PPP6R3: variants seen among roughly 807,000 people sequenced by gnomAD.
PPP6R3 encodes the protein protein phosphatase 6 regulatory subunit 3, also known as serine/threonine-protein phosphatase 6 regulatory subunit 3.
In PPP6R3, 38 loss-of-function variants were observed where a neutral mutation model predicts 110.7. The ratio of observed to expected loss-of-function variants is 0.34; its 90% CI spans 0.26 to 0.45. The LOEUF (loss-of-function observed/expected upper bound fraction) is 0.45, where lower values mean the gene tolerates loss of function less well. Ranked by LOEUF, PPP6R3 falls within the 20% of genes least tolerant of loss-of-function variation. The pLI is 1.00. For missense variants in PPP6R3, 870 were observed against 1,062.4 expected (o/e 0.82, Z 2.52); for synonymous variants, 369 against 373.5 (o/e 0.99, Z 0.14).
intron 9 of PPP6R3, among the ~76,000 whole-genome samples, chr11:68,565,172 A>G (rs866934903): frequency 1.3e-5 from 2 of 151,494 alleles, no homozygotes; most frequent in Middle Eastern, 3.4e-3. Flanking sequence ...AATTTAGAAT[A>G]CTAGTTTCTC....
At chr11:68,481,616 A>G (rs1456488761) in intron 1 of PPP6R3, among the ~76,000 whole-genome samples, 1 of 152,230 alleles carries the variant, frequency 6.6e-6, no homozygotes, top group Non-Finnish European at 1.5e-5. Context: ...ATTGGTGGGC[A>G]TGTTTGTATC....
At chr11:68,489,986 GTTA>G (rs2098973670) in intron 1 of PPP6R3, among the ~76,000 whole-genome samples, 1 of 152,010 alleles carries the variant, frequency 6.6e-6, no homozygotes, top group South Asian at 2.1e-4. Flanking sequence ...CATTGTTATT[GTTA>G]TTATTTTGAA....
intron 1 of PPP6R3, among the ~76,000 whole-genome samples, chr11:68,475,674 C>T (rs547118306): frequency 8.4e-4 from 101 of 120,276 alleles, no homozygotes; most frequent in African/African-American, 2.9e-3. Flanking sequence ...GCTGGCCGGG[C>T]GGGGGCTGCC....
rs1350695300 is a variant in PPP6R3 at position 68,615,006 on chromosome 11, T to A, written c.*1889T>A. On this transcript the variant is annotated 3_prime_UTR_variant, in exon 24 of 24. Transcript: ENST00000393800. The stretch of plus-strand genomic sequence containing the variant: ...CTCCATCCCACTGTGGCCTCTGTGG[T>A]ATGGACCTGGTGGCTTCTCCATCCT... 4 of 537,152 alleles carry A rather than the reference T, an allele frequency of 7.4e-6. No homozygotes were observed. Among genetic ancestry groups the A allele is most frequent in the Non-Finnish European group, 1.4e-5 (4 of 279,350 alleles). 33.3% of individuals were successfully genotyped at this position (537,152 alleles called of 1,614,324 possible).
At chr11:68,486,635 C>A (rs1463393009) in intron 1 of PPP6R3, among the ~76,000 whole-genome samples, 1 of 149,508 alleles carries the variant, frequency 6.7e-6, no homozygotes, top group Non-Finnish European at 1.5e-5. Flanking sequence ...AAAATTCCGT[C>A]TGCTGCTTTC....
rs79162216 is a variant in PPP6R3, at chr11:68,466,312, A to G, written c.-158+5485A>G. On this transcript the variant is annotated intron_variant, in intron 1 of 23. Transcript: ENST00000393800. ...AATACTCAGTTTATTTCAGGTATTG[A>G]AAGATTACAGACTGACATTTGGATA... Among the ~76,000 whole-genome samples, 226 of 152,324 alleles carry G rather than the reference A, an allele frequency of 1.5e-3. 1 individual carries two copies. The highest frequency in any genetic ancestry group is 0.012 in the East Asian group (61 of 5,190).
At chr11:68,533,983 G>A (rs891822070) in intron 2 of PPP6R3, among the ~76,000 whole-genome samples, 1 of 152,106 alleles carries the variant, frequency 6.6e-6, no homozygotes, top group Non-Finnish European at 1.5e-5. Context: ...TGGGGACCAC[G>A]GCACGTTCCA....
Position 68,614,177 on chromosome 11 carries a change from T to C in PPP6R3, c.*1060T>C. ...TCTGGCACCGAAGCATGCTAATTGT[T>C]TACTGTACCTTGTGAGGTTTTCACT... is the stretch of plus-strand genomic sequence containing the variant. On this transcript the variant is annotated 3_prime_UTR_variant, in exon 24 of 24. Coordinates refer to ENST00000393800, the MANE Select transcript of PPP6R3 (RefSeq NM_001164161.2). 2 of 987,076 alleles carry C rather than the reference T, an allele frequency of 2.0e-6. No individual in the cohort carries two copies. Among genetic ancestry groups the C allele is most frequent in the Non-Finnish European group, 2.4e-6 (2 of 830,836 alleles). 61.1% of individuals were successfully genotyped at this position (987,076 alleles called of 1,614,324 possible).
intron 1 of PPP6R3, among the ~76,000 whole-genome samples, chr11:68,506,897 C>T (rs1460543555): frequency 1.3e-5 from 2 of 152,172 alleles, no homozygotes; most frequent in African/African-American, 4.8e-5. Context: ...TGGCTGAGCC[C>T]ACTAAATGTA....
intron 2 of PPP6R3, among the ~76,000 whole-genome samples, chr11:68,531,598 G>T (rs183509600): frequency 3.3e-5 from 5 of 152,124 alleles, no homozygotes; most frequent in African/African-American, 1.2e-4. Flanking sequence ...AGCCAAGACT[G>T]CATTTTGACA....
intron 2 of PPP6R3, among the ~76,000 whole-genome samples, chr11:68,521,926 A>G (rs569965461): frequency 3.7e-4 from 56 of 152,306 alleles, no homozygotes; most frequent in Middle Eastern, 3.4e-3. Flanking sequence ...ATCTATTGCA[A>G]AGGTACATGT....
chr11:68,590,389 G>C (rs938594285), intron 16 of PPP6R3, among the ~76,000 whole-genome samples: 1 of 152,130 alleles, frequency 6.6e-6, no homozygotes, highest in African/African-American at 2.4e-5. Flanking sequence ...TACCATAGAT[G>C]TTAAAAATCT....
chr11:68,526,760 T>C (rs1456908802), intron 2 of PPP6R3, among the ~76,000 whole-genome samples: 1 of 152,202 alleles, frequency 6.6e-6, no homozygotes, highest in East Asian at 1.9e-4. Flanking sequence ...ATGAAACTTG[T>C]TCGTAGTAGA....
intron 1 of PPP6R3, among the ~76,000 whole-genome samples, chr11:68,476,623 T>C (rs2098834898): frequency 6.6e-6 from 1 of 152,234 alleles, no homozygotes; most frequent in Admixed American, 6.5e-5. Flanking sequence ...AGTTTTGCTA[T>C]GTATAATTTT....
intron 16 of PPP6R3, among the ~76,000 whole-genome samples, chr11:68,589,286 G>T (rs116825404): frequency 2.0e-4 from 30 of 152,216 alleles, no homozygotes; most frequent in African/African-American, 7.0e-4. Flanking sequence ...CGTTCCAGCA[G>T]ATGACCAGGT....
intron 1 of PPP6R3, among the ~76,000 whole-genome samples, chr11:68,499,176 G>A (rs1225416398): frequency 9.2e-5 from 14 of 151,460 alleles, no homozygotes; most frequent in Non-Finnish European, 1.0e-4. Context: ...ATCCCCAAAC[G>A]TAGTGGATTA....
intron 4 of PPP6R3, among the ~76,000 whole-genome samples, chr11:68,545,313 G>A (rs1211875506): frequency 1.3e-5 from 2 of 152,172 alleles, no homozygotes; most frequent in African/African-American, 4.8e-5. Context: ...GTGAAGACAG[G>A]GCTTAACTAA....
At chr11:68,463,359 A>AAG (rs200280083) in intron 1 of PPP6R3, among the ~76,000 whole-genome samples, 1,480 of 146,610 alleles carry the variant, frequency 0.01, 12 homozygotes, top group Middle Eastern at 0.024. Flanking sequence ...GTCTCAGAAA[A>AAG]AAAAAAAAAA....
At chr11:68,566,656 C>G (rs1056168895) in intron 9 of PPP6R3, among the ~76,000 whole-genome samples, 1 of 152,124 alleles carries the variant, frequency 6.6e-6, no homozygotes, top group Non-Finnish European at 1.5e-5. Flanking sequence ...CTACTGTGCC[C>G]GGCCATAACT....
Sources: gnomAD v4.1 joint callset for allele counts (sites outside exome capture counted in the v4.1 genomes callset) on GRCh38, gnomAD v4.1.1 for gene constraint, MANE v1.5 for transcripts, NCBI Gene and HGNC (gene_info 2026-07-23, HGNC 2026-07-21) for gene names.